Variants in RPS6KA5 observed in about 807,000 individuals in gnomAD.
RPS6KA5 encodes the protein ribosomal protein S6 kinase A5, also known as ribosomal protein S6 kinase alpha-5.
Under a neutral mutation model 85.5 loss-of-function variants are expected in RPS6KA5, and 27 were observed. That is an observed-to-expected ratio of 0.32 (90% CI 0.23 to 0.44). The LOEUF (loss-of-function observed/expected upper bound fraction) is 0.44. Among genes scored for constraint, RPS6KA5 ranks in the 20% least tolerant of loss-of-function variants. The pLI, the probability that RPS6KA5 is intolerant of heterozygous loss-of-function variation, is 1.00. For synonymous variants in RPS6KA5, 334 were observed against 348.2 expected, an observed-to-expected ratio of 0.96 and a Z score of 0.46; for missense variants, 811 against 980.9, an observed-to-expected ratio of 0.83 and a Z score of 2.31.
At chr14:91,049,785 T>A (rs539383344) in intron 1 of RPS6KA5, among the ~76,000 whole-genome samples, 5 of 152,192 alleles carry the variant, frequency 3.3e-5, no homozygotes, top group Admixed American at 1.3e-4. Flanking sequence ...CAAACCTAGA[T>A]GGTATAGGTT....
chr14:90,988,615 C>A (rs1262673570), intron 2 of RPS6KA5, among the ~76,000 whole-genome samples: 1 of 152,082 alleles, frequency 6.6e-6, no homozygotes, highest in Non-Finnish European at 1.5e-5. Flanking sequence ...TCAGGTGAGA[C>A]CAGCCTGGCC....
intron 5 of RPS6KA5, among the ~76,000 whole-genome samples, chr14:90,941,228 T>A (rs557786265): frequency 7.9e-5 from 12 of 152,328 alleles, no homozygotes; most frequent in Admixed American, 5.2e-4. Flanking sequence ...CTATTTTTTT[T>A]AAATGTGGCA....
intron 2 of RPS6KA5, among the ~76,000 whole-genome samples, chr14:90,997,098 TTCC>T (rs2040558910): frequency 6.6e-6 from 1 of 152,228 alleles, no homozygotes; most frequent in African/African-American, 2.4e-5. Flanking sequence ...CACAGACTTC[TTCC>T]TGTTTTAAAA....
intron 1 of RPS6KA5, among the ~76,000 whole-genome samples, chr14:91,045,608 A>G (rs1357719183): frequency 6.6e-6 from 1 of 152,190 alleles, no homozygotes; most frequent in East Asian, 1.9e-4. Flanking sequence ...CACATTCACA[A>G]TTGTTAATCT....
At chr14:90,952,143 A>G (rs964305399) in intron 3 of RPS6KA5, among the ~76,000 whole-genome samples, 5 of 152,326 alleles carry the variant, frequency 3.3e-5, no homozygotes, top group East Asian at 3.9e-4. Context: ...ATGTACATTC[A>G]AACATTATGC....
intron 1 of RPS6KA5, among the ~76,000 whole-genome samples, chr14:91,018,344 G>A (rs1185719391): frequency 6.6e-6 from 1 of 152,182 alleles, no homozygotes; most frequent in Non-Finnish European, 1.5e-5. Context: ...GTGTCAACTT[G>A]ATTGGATTGA....
At chr14:90,904,264 A>G (rs969226368) in intron 8 of RPS6KA5, among the ~76,000 whole-genome samples, 1 of 152,222 alleles carries the variant, frequency 6.6e-6, no homozygotes, top group Non-Finnish European at 1.5e-5. Context: ...AACCCAAAAC[A>G]AAATAATTAC....
At chr14:90,948,694 CAA>C (rs1189050107) in intron 3 of RPS6KA5, among the ~76,000 whole-genome samples, 3 of 124,934 alleles carry the variant, frequency 2.4e-5, no homozygotes, top group African/African-American at 9.3e-5. Flanking sequence ...GACTCTGTCT[CAA>C]AAAAAAAAAC....
intron 4 of RPS6KA5, among the ~76,000 whole-genome samples, chr14:90,944,752 T>A (rs2037778430): frequency 7.0e-6 from 1 of 143,692 alleles, no homozygotes; most frequent in Non-Finnish European, 1.5e-5. Flanking sequence ...CAAAACTCCA[T>A]CTCAAAAAAA....
At chr14:90,892,830 T>C (rs1005341730) in intron 13 of RPS6KA5, among the ~76,000 whole-genome samples, 9 of 152,262 alleles carry the variant, frequency 5.9e-5, no homozygotes, top group African/African-American at 1.9e-4. Flanking sequence ...AAAATGTTAG[T>C]TCAAAGGTCT....
At chr14:90,981,196 T>C (rs2039776146) in intron 2 of RPS6KA5, among the ~76,000 whole-genome samples, 1 of 152,234 alleles carries the variant, frequency 6.6e-6, no homozygotes, top group South Asian at 2.1e-4. Flanking sequence ...TTATATTGAC[T>C]GGAAGCAGGC....
intron 12 of RPS6KA5, among the ~76,000 whole-genome samples, chr14:90,898,595 T>A (rs73324646): frequency 0.017 from 2,598 of 152,314 alleles, 93 homozygotes; most frequent in African/African-American, 0.059. Context: ...ATTGGTAAAA[T>A]TAGGGCAAAG....
chr14:90,881,949 T>G (rs949233294), intron 14 of RPS6KA5, among the ~76,000 whole-genome samples: 2 of 152,278 alleles, frequency 1.3e-5, no homozygotes, highest in African/African-American at 4.8e-5. Flanking sequence ...TCTTTGACCT[T>G]TGATTAGAGT....
chr14:90,923,549 G>T (rs1257868012), intron 5 of RPS6KA5, among the ~76,000 whole-genome samples: 2 of 151,442 alleles, frequency 1.3e-5, no homozygotes, highest in Non-Finnish European at 2.9e-5. Flanking sequence ...CCCTTTTTTT[G>T]AAGAATGCAA....
chr14:90,852,726 C>CTT lies in RPS6KA5; in HGVS notation c.*19346_*19347dup, dbSNP rs34546742. On this transcript the variant is annotated 3_prime_UTR_variant, in exon 17 of 17. Transcript: ENST00000614987. Reference sequence around the variant, plus strand: ...TCCAGTTAGCCTTTGCTGGGAGAAACTTTTTTTTTTTTTTTTTTTTTGAGA... The same window carrying CTT: ...TCCAGTTAGCCTTTGCTGGGAGAAACTTTTTTTTTTTTTTTTTTTTTTTGAGA... 0.032 allele frequency: 3,768 copies of CTT among 118,378 alleles called. 218 individuals carry two copies. The highest frequency in any genetic ancestry group is 0.078 in the African/African-American group (2,462 of 31,516). 7.3% of individuals were successfully genotyped at this position (118,378 alleles called of 1,614,324 possible). A position where few individuals can be genotyped will look rare whatever the true frequency, so the allele number is the denominator to read the frequency against.
chr14:90,998,207 T>C (rs1274510639), intron 2 of RPS6KA5, among the ~76,000 whole-genome samples: 1 of 152,134 alleles, frequency 6.6e-6, no homozygotes, highest in Non-Finnish European at 1.5e-5. Context: ...CTGGGGAGGA[T>C]GGTGAGCTTG....
rs2032871416 is a variant in RPS6KA5, at chr14:90,867,973, T to C, written c.*4101A>G. 1.3e-5 allele frequency: 2 copies of C among 152,152 alleles called. No individual in the cohort carries two copies. The allele number at this position is 152,152 out of a possible 1,614,324, so 9.4% of individuals were successfully genotyped here. Reference sequence around the variant, plus strand: ...GGCTCAGAAGAAATATCTTGAAAAGTAAGCAATATAGAAGGTGAGGACAGA... The same window carrying C: ...GGCTCAGAAGAAATATCTTGAAAAGCAAGCAATATAGAAGGTGAGGACAGA... On this transcript the variant is annotated 3_prime_UTR_variant, in exon 17 of 17. Transcript: ENST00000614987.
chr14:91,012,946 TTC>T (rs1457846141), intron 1 of RPS6KA5, among the ~76,000 whole-genome samples: 1 of 152,160 alleles, frequency 6.6e-6, no homozygotes, highest in Non-Finnish European at 1.5e-5. Context: ...CTGACTTGTT[TTC>T]TCTCTCCTCT....
At position 91,046,525 on chromosome 14, in the gene RPS6KA5, A is replaced by G. The variant is rs77502230; in HGVS notation, c.103+13807T>C. 3.3e-3 allele frequency among the ~76,000 whole-genome samples: 507 copies of G among 152,348 alleles called. 3 individuals are homozygous for G. The highest frequency in any genetic ancestry group is 0.011 in the African/African-American group (467 of 41,588). ...TTCATGCAGCATCATATTTAGATAG[A>G]AAGTGTGACACTATCCTTATTACAC... On this transcript the variant is annotated intron_variant, in intron 1 of 16. Coordinates refer to ENST00000614987, the MANE Select transcript of RPS6KA5 (RefSeq NM_004755.4).
Sources: allele counts gnomAD v4.1 joint callset (sites outside exome capture counted in the v4.1 genomes callset), GRCh38; gene constraint gnomAD v4.1.1; transcripts MANE v1.5; gene names NCBI Gene and HGNC (gene_info 2026-07-23, HGNC 2026-07-21).